Variants in CCSER1 observed in about 807,000 individuals in gnomAD.
CCSER1 encodes the protein serine-rich coiled-coil domain-containing protein 1.
In CCSER1, 41 loss-of-function variants were observed where a neutral mutation model predicts 82.0. That is an observed-to-expected ratio of 0.50 (90% CI 0.39 to 0.65). CCSER1 has a LOEUF of 0.65. Among genes scored for constraint, CCSER1 ranks in the 30% least tolerant of loss-of-function variants. CCSER1 has a pLI of 0.00. For synonymous variants in CCSER1, 414 were observed against 383.9 expected (o/e 1.08, Z -0.92); for missense variants, 1,119 against 1,064.2 (o/e 1.05, Z -0.72).
chr4:90,320,484 G>C (rs1014324766), intron 3 of CCSER1, among the ~76,000 whole-genome samples: 1 of 152,100 alleles, frequency 6.6e-6, no homozygotes. Flanking sequence ...AGGATTATCA[G>C]CCTTATAGAA....
rs188485072 is a variant in CCSER1, at chr4:91,147,568, G to C, written c.2217+61574G>C. Reference sequence around the variant, plus strand: ...GGGGCTCCTCCTCCAATAGAGATCAGCTCAATACTCTTAGGCAGTGTGCTT... The same window carrying C: ...GGGGCTCCTCCTCCAATAGAGATCACCTCAATACTCTTAGGCAGTGTGCTT... On this transcript the variant is annotated intron_variant, in intron 10 of 10. Transcript: ENST00000509176. Among the ~76,000 whole-genome samples the C allele has an allele frequency of 1.2e-3, 179 of 152,310 alleles. 2 individuals are homozygous for C. The highest frequency in any genetic ancestry group is 0.011 in the Admixed American group (164 of 15,286).
At chr4:91,353,245 C>A (rs1010547551) in intron 10 of CCSER1, among the ~76,000 whole-genome samples, 1 of 152,152 alleles carries the variant, frequency 6.6e-6, no homozygotes, top group African/African-American at 2.4e-5. Flanking sequence ...CAATTTCTGT[C>A]CCTTTTAAGG....
At chr4:90,424,039 A>C (rs1220110992) in intron 4 of CCSER1, among the ~76,000 whole-genome samples, 4 of 151,508 alleles carry the variant, frequency 2.6e-5, no homozygotes, top group Admixed American at 6.6e-5. Flanking sequence ...TGCAGTGAGC[A>C]GAGATTGCGC....
intron 10 of CCSER1, among the ~76,000 whole-genome samples, chr4:91,217,309 G>C (rs943376535): frequency 6.6e-6 from 1 of 152,190 alleles, no homozygotes; most frequent in Admixed American, 6.5e-5. Flanking sequence ...CTGATTGGTA[G>C]AGCCCAGTGG....
At position 90,627,812 on chromosome 4, in the gene CCSER1, C is replaced by G. The variant is rs916654290; in HGVS notation, c.1725-213C>G. ...TGGCTAACATAGTGAAACCCCATCT[C>G]TACTAAGAATACAAGATCACGCCAC... is the stretch of plus-strand genomic sequence containing the variant. On this transcript the variant is annotated intron_variant, in intron 5 of 10. Transcript: ENST00000509176. 3.3e-5 allele frequency among the ~76,000 whole-genome samples: 5 copies of G among 152,080 alleles called. 1 individual carries two copies. In the East Asian group the frequency reaches 5.8e-4, roughly 18 times the overall value.
chr4:90,507,916 A>G (rs545882591), intron 5 of CCSER1, among the ~76,000 whole-genome samples: 1 of 152,022 alleles, frequency 6.6e-6, no homozygotes, highest in Admixed American at 6.5e-5. Context: ...TATTTTATAT[A>G]GATATTTTAT....
At chr4:90,629,749 A>T (rs762878403) in intron 6 of CCSER1, among the ~76,000 whole-genome samples, 3 of 152,230 alleles carry the variant, frequency 2.0e-5, no homozygotes, top group Non-Finnish European at 4.4e-5. Context: ...CTGTAGCGGT[A>T]TGCTTATACT....
intron 1 of CCSER1, among the ~76,000 whole-genome samples, chr4:90,128,827 T>C (rs889116678): frequency 2.0e-5 from 3 of 150,114 alleles, no homozygotes; most frequent in Non-Finnish European, 3.0e-5. Context: ...ACTGCTCTCT[T>C]TCTCTCTCTC....
chr4:91,272,319 T>C (rs1045487123), intron 10 of CCSER1, among the ~76,000 whole-genome samples: 6 of 152,220 alleles, frequency 3.9e-5, no homozygotes, highest in Admixed American at 1.3e-4. Flanking sequence ...TGGTGTCCCA[T>C]TGTGATTCTG....
intron 9 of CCSER1, among the ~76,000 whole-genome samples, chr4:90,964,543 G>T (rs548545838): frequency 2.0e-4 from 30 of 151,762 alleles, no homozygotes; most frequent in South Asian, 6.3e-4. Flanking sequence ...GACTAACATG[G>T]TGGAACCCGT....
chr4:91,069,391 T>C (rs1177086697), intron 9 of CCSER1, among the ~76,000 whole-genome samples: 2 of 152,226 alleles, frequency 1.3e-5, no homozygotes, highest in East Asian at 3.9e-4. Flanking sequence ...TGGTTAATAT[T>C]ATACTCAATA....
chr4:90,412,373 A>G (rs1338328318), intron 4 of CCSER1, among the ~76,000 whole-genome samples: 1 of 151,252 alleles, frequency 6.6e-6, no homozygotes, highest in Non-Finnish European at 1.5e-5. Flanking sequence ...CTACATGACG[A>G]GTTGATGGGT....
chr4:91,149,017 G>A (rs1253801307), intron 10 of CCSER1, among the ~76,000 whole-genome samples: 5 of 68,896 alleles, frequency 7.3e-5, no homozygotes, highest in Admixed American at 6.4e-4. Flanking sequence ...GGATGGCTGG[G>A]TCAAATATTT....
At chr4:90,919,943 A>C (rs1005588754) in intron 8 of CCSER1, among the ~76,000 whole-genome samples, 1 of 151,906 alleles carries the variant, frequency 6.6e-6, no homozygotes. Flanking sequence ...GTATTTTGTC[A>C]TTGCTTGGAA....
chr4:91,087,323 A>G (rs889933946), intron 10 of CCSER1, among the ~76,000 whole-genome samples: 1 of 152,140 alleles, frequency 6.6e-6, no homozygotes. Flanking sequence ...ATATATCCGT[A>G]CGATGGCATT....
intron 10 of CCSER1, among the ~76,000 whole-genome samples, chr4:91,584,889 A>C (rs568523367): frequency 6.6e-6 from 1 of 151,614 alleles, no homozygotes; most frequent in Admixed American, 6.6e-5. Flanking sequence ...ACTGTTTGTG[A>C]CACATGTCTT....
intron 3 of CCSER1, among the ~76,000 whole-genome samples, chr4:90,335,524 A>G (rs1740216282): frequency 6.6e-6 from 1 of 152,128 alleles, no homozygotes; most frequent in Non-Finnish European, 1.5e-5. Context: ...TTTCTATGAC[A>G]TTTCATCTAT....
chr4:91,241,777 A>C (rs1050807017), intron 10 of CCSER1, among the ~76,000 whole-genome samples: 1 of 151,204 alleles, frequency 6.6e-6, no homozygotes, highest in African/African-American at 2.5e-5. Flanking sequence ...TTGTAAAATA[A>C]GATGCAAATT....
intron 3 of CCSER1, among the ~76,000 whole-genome samples, chr4:90,368,259 G>A (rs114724873): frequency 0.011 from 1,714 of 151,966 alleles, 34 homozygotes; most frequent in African/African-American, 0.04. Flanking sequence ...TCCCTCCCAT[G>A]GACCCATGAG....
Sources: allele counts gnomAD v4.1 joint callset (sites outside exome capture counted in the v4.1 genomes callset), GRCh38; gene constraint gnomAD v4.1.1; transcripts MANE v1.5; gene names NCBI Gene and HGNC (gene_info 2026-07-23, HGNC 2026-07-21).